Variants in MDFIC2 observed in about 807,000 individuals in gnomAD.
The protein encoded by MDFIC2 is myoD family inhibitor domain-containing protein 2.
chr3:70,298,657 G>C (rs898145133), intron 2 of MDFIC2, among the ~76,000 whole-genome samples: 1 of 152,094 alleles, frequency 6.6e-6, no homozygotes, highest in Non-Finnish European at 1.5e-5. Flanking sequence ...AACTGAATGA[G>C]TAATAGGTTT....
intron 2 of MDFIC2, among the ~76,000 whole-genome samples, chr3:70,221,002 T>C (rs1229551416): frequency 1.3e-5 from 2 of 152,284 alleles, no homozygotes; most frequent in Admixed American, 1.3e-4. Context: ...TAAATCTGGT[T>C]CTAAGGCTGC....
chr3:70,260,356 C>T (rs1002502712), intron 2 of MDFIC2, among the ~76,000 whole-genome samples: 16 of 152,082 alleles, frequency 1.1e-4, no homozygotes, highest in Admixed American at 5.9e-4. Flanking sequence ...CACTCTACTC[C>T]GGTACGACTT....
chr3:70,296,797 T>C (rs531540954), intron 2 of MDFIC2, among the ~76,000 whole-genome samples: 1 of 152,272 alleles, frequency 6.6e-6, no homozygotes, highest in East Asian at 1.9e-4. Context: ...CTGCTTTTTC[T>C]ACTCTTCAGC....
intron 2 of MDFIC2, among the ~76,000 whole-genome samples, chr3:70,231,526 A>C (rs1701560004): frequency 1.3e-5 from 2 of 152,150 alleles, no homozygotes; most frequent in Non-Finnish European, 2.9e-5. Context: ...CCAAATTCCA[A>C]AATTCTGGTC....
intron 2 of MDFIC2, among the ~76,000 whole-genome samples, chr3:70,220,417 G>A (rs1701452155): frequency 1.3e-5 from 2 of 151,940 alleles, no homozygotes; most frequent in Admixed American, 6.6e-5. Flanking sequence ...CCACCTGGGA[G>A]ACAGAGCAAG....
intron 3 of MDFIC2, among the ~76,000 whole-genome samples, chr3:70,201,517 A>G (rs1256746756): frequency 6.6e-6 from 1 of 152,156 alleles, no homozygotes; most frequent in Non-Finnish European, 1.5e-5. Flanking sequence ...CATACAGCTT[A>G]CACAGGCCTC....
intron 2 of MDFIC2, among the ~76,000 whole-genome samples, chr3:70,215,573 C>T (rs2106732668): frequency 6.6e-6 from 1 of 152,192 alleles, no homozygotes; most frequent in East Asian, 1.9e-4. Flanking sequence ...CCTGCAACTC[C>T]AATCCCAATT....
At chr3:70,230,137 G>T (rs1286534733) in intron 2 of MDFIC2, among the ~76,000 whole-genome samples, 1 of 152,104 alleles carries the variant, frequency 6.6e-6, no homozygotes, top group Non-Finnish European at 1.5e-5. Flanking sequence ...AAATGGTCAG[G>T]CCGAAATTGA....
intron 3 of MDFIC2, among the ~76,000 whole-genome samples, chr3:70,197,830 C>T (rs781425527): frequency 2.0e-5 from 3 of 152,094 alleles, no homozygotes; most frequent in Non-Finnish European, 4.4e-5. Context: ...AAGTGAAATA[C>T]GTCATCATAT....
In MDFIC2 at chr3:70,206,617, A is replaced by G; in HGVS notation, c.262T>C (p.Phe88Leu). ...LSSLEECQTTFSYLQTDTSVH... is the reference protein window; with the variant it reads ...LSSLEECQTTLSYLQTDTSVH... Reference sequence around the variant, plus strand: ...GAAGTATCAGTTTGGAGGTAAGAAAATGTTGTTTGGCATTCTTCAAGGGAG... The same window carrying G: ...GAAGTATCAGTTTGGAGGTAAGAAAGTGTTGTTTGGCATTCTTCAAGGGAG... The change falls in exon 3 of 4, where the codon TTT (phenylalanine) becomes CTT (leucine). Residue 88 changes from phenylalanine (F) to leucine (L), a missense_variant. Phe to Leu is a conservative substitution (Grantham distance 22). Transcript: ENST00000567252. 2.5e-6 allele frequency: 1 copy of G among 397,794 alleles called. No homozygotes were observed. The highest frequency in any genetic ancestry group is 4.4e-6 in the Non-Finnish European group (1 of 225,530). 24.6% of individuals were successfully genotyped at this position (397,794 alleles called of 1,614,324 possible). A position where few individuals can be genotyped will look rare whatever the true frequency, so the allele number is the denominator to read the frequency against.
chr3:70,309,442 A>G (rs565857343), intron 2 of MDFIC2, among the ~76,000 whole-genome samples: 137 of 152,240 alleles, frequency 9.0e-4, no homozygotes, highest in Non-Finnish European at 1.6e-3. Context: ...TTAAAGAGGG[A>G]AAAAAACAGA....
intron 2 of MDFIC2, chr3:70,283,755 A>T (rs1364631376): frequency 1.3e-5 from 2 of 150,454 alleles, no homozygotes; most frequent in Non-Finnish European, 2.9e-5. Flanking sequence ...AATAAAGAGT[A>T]TGTAATGCTT....
At chr3:70,299,882 A>G (rs921841168) in intron 2 of MDFIC2, among the ~76,000 whole-genome samples, 1 of 151,988 alleles carries the variant, frequency 6.6e-6, no homozygotes, top group African/African-American at 2.4e-5. Flanking sequence ...CCTAACGTTA[A>G]AAGTCCTTCA....
At chr3:70,260,682 C>A (rs1278810430) in intron 2 of MDFIC2, among the ~76,000 whole-genome samples, 1 of 152,100 alleles carries the variant, frequency 6.6e-6, no homozygotes, top group Non-Finnish European at 1.5e-5. Flanking sequence ...TACAGCTGTT[C>A]TCTCCAGATT....
Position 70,298,354 on chromosome 3 carries a change from C to G in MDFIC2, c.88+13532G>C, listed in dbSNP as rs201700243. On this transcript the variant is annotated intron_variant, in intron 2 of 3. Coordinates refer to ENST00000567252, the MANE Select transcript of MDFIC2 (RefSeq NM_001364677.1). Reference sequence around the variant, plus strand: ...AAAATAAGATTTCCACTTCTCTCCTCCACCAGCCATGTTTTTGTTTAGTTA... The same window carrying G: ...AAAATAAGATTTCCACTTCTCTCCTGCACCAGCCATGTTTTTGTTTAGTTA... Among the ~76,000 whole-genome samples, 18 of 152,192 alleles carry G rather than the reference C, an allele frequency of 1.2e-4. No individual in the cohort carries two copies. The East Asian group carries it at 2.9e-3, about 24-fold the overall frequency.
chr3:70,281,021 C>G (rs1055044263), intron 2 of MDFIC2, among the ~76,000 whole-genome samples: 1 of 152,090 alleles, frequency 6.6e-6, no homozygotes, highest in Non-Finnish European at 1.5e-5. Context: ...ATGACAATTT[C>G]CTTTGTATCT....
At chr3:70,290,330 C>T (rs1484074897) in intron 2 of MDFIC2, among the ~76,000 whole-genome samples, 2 of 147,642 alleles carry the variant, frequency 1.4e-5, no homozygotes, top group African/African-American at 4.9e-5. Context: ...TGTAAGGTGT[C>T]AGTGTGCCCC....
At chr3:70,231,655 C>T (rs530617601) in intron 2 of MDFIC2, among the ~76,000 whole-genome samples, 70 of 151,968 alleles carry the variant, frequency 4.6e-4, no homozygotes, top group African/African-American at 1.7e-3. Flanking sequence ...GGGAAACACG[C>T]TAAGGAGAGA....
At chr3:70,211,532 TTG>T (rs1384891674) in intron 2 of MDFIC2, among the ~76,000 whole-genome samples, 1 of 13,092 alleles carries the variant, frequency 7.6e-5, no homozygotes. Context: ...TCCCTTCCCT[TTG>T]CCCTTCCCTT....
Sources: gnomAD v4.1 joint callset for allele counts (sites outside exome capture counted in the v4.1 genomes callset) on GRCh38, gnomAD v4.1.1 for gene constraint, MANE v1.5 for transcripts, NCBI Gene and HGNC (gene_info 2026-07-23, HGNC 2026-07-21) for gene names.